PDE7A: variants seen among roughly 807,000 people sequenced by gnomAD.
PDE7A encodes the protein high affinity 3',5'-cyclic-AMP phosphodiesterase 7A.
A neutral mutation model predicts 64.3 loss-of-function variants in PDE7A; 39 were observed. The observed-to-expected ratio is 0.61, with a 90% CI of 0.47 to 0.79. The LOEUF (loss-of-function observed/expected upper bound fraction) is 0.79, where lower values mean the gene tolerates loss of function less well. PDE7A is among the 30% of genes least tolerant of loss of function. The probability of loss-of-function intolerance (pLI) is 0.00; values close to 1 mark genes in which losing one functional copy is unlikely to be tolerated. For synonymous variants in PDE7A, 203 were observed against 206.8 expected (o/e 0.98, Z 0.16); for missense variants, 470 against 582.8 (o/e 0.81, Z 1.99).
intron 9 of PDE7A, 115 bp from the exon 10 acceptor site, chr8:65,725,036 A>G (rs1563470655): frequency 1.9e-6 from 1 of 513,844 alleles, no homozygotes; most frequent in South Asian, 5.8e-5. Context: ...ATATCCAACT[A>G]TCATTCAATT....
At chr8:65,818,537 C>G (rs1204626016) in intron 1 of PDE7A, among the ~76,000 whole-genome samples, 5 of 152,136 alleles carry the variant, frequency 3.3e-5, no homozygotes, top group Non-Finnish European at 5.9e-5. Context: ...AGACTGTGTT[C>G]AAATACCTCA....
At chr8:65,746,578 C>T (rs561251854) in intron 4 of PDE7A, among the ~76,000 whole-genome samples, 36 of 152,202 alleles carry the variant, frequency 2.4e-4, no homozygotes, top group African/African-American at 7.2e-4. Flanking sequence ...TTAACCTGAA[C>T]CTTTTGTGGA....
intron 1 of PDE7A, among the ~76,000 whole-genome samples, chr8:65,820,942 A>G (rs1033251031): frequency 6.6e-6 from 1 of 152,240 alleles, no homozygotes; most frequent in South Asian, 2.1e-4. Context: ...AGTGAAAAGC[A>G]GTTCCAAAAT....
intron 10 of PDE7A, 148 bp downstream of exon 10, chr8:65,724,629 T>G (rs1245360935): frequency 7.4e-6 from 5 of 674,250 alleles, no homozygotes; most frequent in African/African-American, 7.3e-5. Flanking sequence ...GATCTCCTTT[T>G]GGAAGGAGTG....
intron 1 of PDE7A, among the ~76,000 whole-genome samples, chr8:65,797,401 T>C (rs1809869268): frequency 6.6e-6 from 1 of 152,204 alleles, no homozygotes; most frequent in South Asian, 2.1e-4. Context: ...GCAGAGATTG[T>C]AGTGATTTAT....
At chr8:65,768,683 GA>G (rs1434515949) in intron 3 of PDE7A, among the ~76,000 whole-genome samples, 1 of 152,086 alleles carries the variant, frequency 6.6e-6, no homozygotes, top group Non-Finnish European at 1.5e-5. Flanking sequence ...TCCCAGAGAA[GA>G]AAATACTATT....
At chr8:65,807,827 G>C (rs1393663331) in intron 1 of PDE7A, among the ~76,000 whole-genome samples, 2 of 152,180 alleles carry the variant, frequency 1.3e-5, no homozygotes. Flanking sequence ...TATTACATCA[G>C]TAGCAAAAGA....
intron 2 of PDE7A, 26 bp from the exon 3 acceptor site, chr8:65,779,829 A>G: frequency 7.0e-7 from 1 of 1,429,132 alleles, no homozygotes; most frequent in Non-Finnish European, 9.7e-7. Flanking sequence ...AATAAAACAT[A>G]AGTTTAGAAG....
At chr8:65,778,300 A>G (rs1809315488) in intron 3 of PDE7A, among the ~76,000 whole-genome samples, 1 of 152,192 alleles carries the variant, frequency 6.6e-6, no homozygotes, top group Non-Finnish European at 1.5e-5. Context: ...AATTAGTCCA[A>G]CTACCCTAAG....
At chr8:65,780,838 G>C (rs556935939) in intron 2 of PDE7A, 10 of 152,334 alleles carry the variant, frequency 6.6e-5, no homozygotes, top group African/African-American at 2.4e-4. Context: ...GGGCACTCCT[G>C]CTTACTCTGT....
chr8:65,765,606 T>C (rs1378157801), intron 3 of PDE7A: 1 of 151,534 alleles, frequency 6.6e-6, no homozygotes, highest in East Asian at 1.9e-4. Flanking sequence ...GCATTTGTGT[T>C]GACATGAGAA....
intron 1 of PDE7A, among the ~76,000 whole-genome samples, chr8:65,814,239 C>T (rs1810327112): frequency 6.6e-6 from 1 of 151,980 alleles, no homozygotes. Flanking sequence ...CGGCCGGGCG[C>T]GGTGGCTCAC....
chr8:65,795,482 G>A (rs1350074795), intron 1 of PDE7A, among the ~76,000 whole-genome samples: 1 of 152,180 alleles, frequency 6.6e-6, no homozygotes, highest in Non-Finnish European at 1.5e-5. Flanking sequence ...CTGAGTATGT[G>A]TAGGATTAGA....
At chr8:65,767,715 T>C (rs1453205023) in intron 3 of PDE7A, among the ~76,000 whole-genome samples, 1 of 152,144 alleles carries the variant, frequency 6.6e-6, no homozygotes, top group African/African-American at 2.4e-5. Context: ...GTAGAGTTTC[T>C]TGGAGGGTGG....
chr8:65,821,033 T>C (rs1810529365), intron 1 of PDE7A, among the ~76,000 whole-genome samples: 1 of 152,234 alleles, frequency 6.6e-6, no homozygotes, highest in Non-Finnish European at 1.5e-5. Context: ...TCCAAGGTGC[T>C]TGGTCTGCAA....
At chr8:65,798,206 A>ATATATTTTT in intron 1 of PDE7A, among the ~76,000 whole-genome samples, 4 of 73,810 alleles carry the variant, frequency 5.4e-5, no homozygotes, top group Admixed American at 3.1e-4. Context: ...ATATATATAT[A>ATATATTTTT]TTTTTTTTTT....
At chr8:65,800,783 T>C (rs1449925934) in intron 1 of PDE7A, among the ~76,000 whole-genome samples, 4 of 152,194 alleles carry the variant, frequency 2.6e-5, no homozygotes, top group Non-Finnish European at 4.4e-5. Flanking sequence ...AGAAGGCCCT[T>C]GCTCAACGAA....
Position 65,779,723 on chromosome 8 carries a change from G to A in PDE7A, c.280C>T (p.His94Tyr). ...SHPYIDFRIF[H>Y]SQSEIEVSVS... ...CTTCATGTCTACCAACACTTACAGT[G>A]GAAAATACGAAAATCAATATATGGG... The change falls in exon 3 of 13, where the codon CAC (histidine) becomes TAC (tyrosine). Residue 94 changes from histidine to tyrosine, a missense_variant. Physicochemically the swap from His to Tyr is moderately conservative, Grantham distance 83. Coordinates refer to ENST00000401827, the MANE Select transcript of PDE7A (RefSeq NM_001242318.3). The A allele has an allele frequency of 2.6e-6, 4 of 1,535,068 alleles. No individual in the cohort carries two copies. Among genetic ancestry groups the A allele is most frequent in the Non-Finnish European group, 3.6e-6 (4 of 1,120,306 alleles).
At chr8:65,734,671 CT>C (rs1807047962) in intron 7 of PDE7A, 122 bp downstream of exon 7, 1 of 640,842 alleles carries the variant, frequency 1.6e-6, no homozygotes, top group Non-Finnish European at 2.8e-6. Context: ...CCAGCTAGAT[CT>C]CATTCTTGTG....
Sources: allele counts gnomAD v4.1 joint callset (sites outside exome capture counted in the v4.1 genomes callset), GRCh38; gene constraint gnomAD v4.1.1; transcripts MANE v1.5; gene names NCBI Gene and HGNC (gene_info 2026-07-23, HGNC 2026-07-21).